Variants in GPC5 observed in about 807,000 individuals in gnomAD.
GPC5 encodes glypican-5.
A neutral mutation model predicts 53.9 loss-of-function variants in GPC5; 47 were observed. The ratio of observed to expected loss-of-function variants is 0.87; its 90% CI spans 0.69 to 1.11. The LOEUF is 1.11. Among genes scored for constraint, GPC5 ranks in the 50% most tolerant of loss-of-function variants. GPC5 has a pLI of 0.00. For synonymous variants in GPC5, 286 were observed against 263.3 expected (o/e 1.09, Z -0.84); for missense variants, 748 against 713.1 (o/e 1.05, Z -0.56).
chr13:92,310,507 T>C (rs535791142), intron 7 of GPC5, among the ~76,000 whole-genome samples: 19 of 152,232 alleles, frequency 1.2e-4, no homozygotes, highest in African/African-American at 4.3e-4. Context: ...AGAAATGTGG[T>C]TTAATTGTTG....
At chr13:91,525,394 A>G (rs1949395709) in intron 2 of GPC5, among the ~76,000 whole-genome samples, 1 of 152,210 alleles carries the variant, frequency 6.6e-6, no homozygotes, top group African/African-American at 2.4e-5. Flanking sequence ...ACCACTGCTT[A>G]GGTTATATAT....
chr13:92,469,456 A>G (rs2139419912), intron 7 of GPC5, among the ~76,000 whole-genome samples: 1 of 152,306 alleles, frequency 6.6e-6, no homozygotes, highest in Non-Finnish European at 1.5e-5. Flanking sequence ...ATGAACAAAC[A>G]GAGCAGAAAA....
At position 92,582,331 on chromosome 13, in the gene GPC5, CT is replaced by C. The variant is rs532191299; in HGVS notation, c.1562-283948del. On this transcript the variant is annotated intron_variant, in intron 7 of 7. Coordinates refer to ENST00000377067, the MANE Select transcript of GPC5 (RefSeq NM_004466.6). ...ATTCCCCATTGTGTGTTTTTGGTAC[CT>C]TTATTGAAAATCAATTGACCAAAAA... Among the ~76,000 whole-genome samples, 358 of 151,942 alleles carry C rather than the reference CT, an allele frequency of 2.4e-3. 1 individual carries two copies. The highest frequency in any genetic ancestry group is 8.3e-3 in the African/African-American group (346 of 41,492).
intron 6 of GPC5, among the ~76,000 whole-genome samples, chr13:91,997,945 T>C (rs140601521): frequency 1.3e-5 from 2 of 152,370 alleles, no homozygotes; most frequent in South Asian, 2.1e-4. Flanking sequence ...AGAAATTCTT[T>C]CAAGGTCATG....
At chr13:92,503,677 TATAG>T (rs1441546578) in intron 7 of GPC5, among the ~76,000 whole-genome samples, 4 of 151,872 alleles carry the variant, frequency 2.6e-5, no homozygotes, top group African/African-American at 7.2e-5. Context: ...ATATAAAAAT[TATAG>T]ATAGACTATC....
At chr13:92,589,044 G>A (rs2139064572) in intron 7 of GPC5, among the ~76,000 whole-genome samples, 1 of 152,292 alleles carries the variant, frequency 6.6e-6, no homozygotes, top group South Asian at 2.1e-4. Flanking sequence ...AGAAAAACAT[G>A]TGGCAGTTTC....
At chr13:91,785,493 A>T (rs1300852177) in intron 5 of GPC5, among the ~76,000 whole-genome samples, 2 of 147,142 alleles carry the variant, frequency 1.4e-5, no homozygotes, top group Non-Finnish European at 3.0e-5. Flanking sequence ...TAAATACATG[A>T]ATACGATATT....
At chr13:92,131,318 A>G (rs1227300955) in intron 6 of GPC5, among the ~76,000 whole-genome samples, 1 of 151,970 alleles carries the variant, frequency 6.6e-6, no homozygotes, top group Non-Finnish European at 1.5e-5. Context: ...TGACCCAGCA[A>G]TTCCACTCCT....
At chr13:92,258,149 G>A (rs1307533801) in intron 7 of GPC5, among the ~76,000 whole-genome samples, 1 of 151,990 alleles carries the variant, frequency 6.6e-6, no homozygotes, top group East Asian at 1.9e-4. Flanking sequence ...AAATGCCTAG[G>A]CTTCTTTTTC....
intron 5 of GPC5, among the ~76,000 whole-genome samples, chr13:91,830,081 A>T (rs1027829689): frequency 6.6e-6 from 1 of 151,048 alleles, no homozygotes; most frequent in Non-Finnish European, 1.5e-5. Context: ...TGGGAGTGCT[A>T]TGGGAGATGG....
chr13:92,739,045 T>C (rs1697432417), intron 7 of GPC5, among the ~76,000 whole-genome samples: 1 of 152,110 alleles, frequency 6.6e-6, no homozygotes, highest in Non-Finnish European at 1.5e-5. Flanking sequence ...CTATAATCAA[T>C]TTTCGTGGCA....
At chr13:92,335,652 A>G (rs777939984) in intron 7 of GPC5, among the ~76,000 whole-genome samples, 43 of 152,078 alleles carry the variant, frequency 2.8e-4, no homozygotes, top group Non-Finnish European at 6.0e-4. Context: ...TTGCTTAGAA[A>G]TTTCATCTGT....
At chr13:92,237,685 T>C (rs1330992) in intron 7 of GPC5, among the ~76,000 whole-genome samples, 85,697 of 151,944 alleles carry the variant, frequency 0.56, 24,423 homozygotes, top group South Asian at 0.65. Context: ...GTTCACAAAC[T>C]ATAGAATGTA....
intron 5 of GPC5, among the ~76,000 whole-genome samples, chr13:91,822,831 A>G (rs1252778323): frequency 6.6e-6 from 1 of 152,154 alleles, no homozygotes; most frequent in Non-Finnish European, 1.5e-5. Flanking sequence ...CACTCTATCA[A>G]TATCACATGA....
intron 7 of GPC5, among the ~76,000 whole-genome samples, chr13:92,708,206 G>A (rs1423027236): frequency 6.6e-6 from 1 of 152,052 alleles, no homozygotes; most frequent in Non-Finnish European, 1.5e-5. Flanking sequence ...TGACCATTAG[G>A]TGAATCAAGA....
At chr13:92,705,915 A>T (rs895141628) in intron 7 of GPC5, 7 of 149,476 alleles carry the variant, frequency 4.7e-5, no homozygotes, top group Admixed American at 4.1e-4. Context: ...ACAAGACCTC[A>T]TCTCCACCAA....
At chr13:91,508,172 TAAA>T (rs1594184754) in intron 2 of GPC5, among the ~76,000 whole-genome samples, 1 of 152,038 alleles carries the variant, frequency 6.6e-6, no homozygotes, top group South Asian at 2.1e-4. Flanking sequence ...ACAGCTCACA[TAAA>T]AAAAGGAATC....
intron 7 of GPC5, chr13:92,180,688 T>A (rs778751558): frequency 1.9e-5 from 3 of 158,860 alleles, no homozygotes; most frequent in Non-Finnish European, 2.8e-5. Context: ...TCCTAGCTAA[T>A]TCCTATCCAA....
intron 6 of GPC5, among the ~76,000 whole-genome samples, chr13:91,964,958 T>C (rs1240734401): frequency 6.6e-6 from 1 of 151,864 alleles, no homozygotes; most frequent in Non-Finnish European, 1.5e-5. Flanking sequence ...CTGGAAACCA[T>C]CATTCTGAGC....
Sources: gnomAD v4.1 joint callset for allele counts (sites outside exome capture counted in the v4.1 genomes callset) on GRCh38, gnomAD v4.1.1 for gene constraint, MANE v1.5 for transcripts, NCBI Gene and HGNC (gene_info 2026-07-23, HGNC 2026-07-21) for gene names.